Variants in GLIS3 observed in about 807,000 individuals in gnomAD.
GLIS3 encodes the protein GLIS family zinc finger 3.
GLIS3 carries 53 observed loss-of-function variants against 78.6 expected under a neutral mutation model. The observed-to-expected ratio is 0.67, with a 90% CI of 0.54 to 0.85. The LOEUF (loss-of-function observed/expected upper bound fraction) is 0.85. GLIS3 is among the 40% of genes least tolerant of loss of function. The pLI is 0.00. For missense variants in GLIS3, 1,703 were observed against 1,231.1 expected (o/e 1.38, Z -5.74); for synonymous variants, 684 against 509.9 (o/e 1.34, Z -4.60).
chr9:4,292,523 C>T (rs1816093808), intron 1 of GLIS3, among the ~76,000 whole-genome samples: 1 of 152,036 alleles, frequency 6.6e-6, no homozygotes, highest in Non-Finnish European at 1.5e-5. Context: ...AAATAAATAA[C>T]AAAATATAGC....
intron 4 of GLIS3, among the ~76,000 whole-genome samples, chr9:4,012,570 G>T (rs1822104866): frequency 6.6e-6 from 1 of 152,064 alleles, no homozygotes; most frequent in Non-Finnish European, 1.5e-5. Context: ...TGAGGACACT[G>T]TGATTCATGT....
chr9:4,416,878 G>A, the GLIS3 span, among the ~76,000 whole-genome samples: 1 of 145,338 alleles, frequency 6.9e-6, no homozygotes, highest in Non-Finnish European at 1.5e-5. Flanking sequence ...GAGTGCAGTG[G>A]TGTGATCTTG....
intron 4 of GLIS3, among the ~76,000 whole-genome samples, chr9:4,054,942 G>T (rs1374913034): frequency 3.9e-5 from 6 of 152,168 alleles, no homozygotes; most frequent in Non-Finnish European, 7.3e-5. Context: ...TCTTCCCACA[G>T]CAGCTACAAA....
chr9:4,172,217 C>G (rs1194230658), intron 2 of GLIS3, among the ~76,000 whole-genome samples: 1 of 152,180 alleles, frequency 6.6e-6, no homozygotes, highest in East Asian at 1.9e-4. Context: ...GTATTTGCAT[C>G]TGTCTTTCTT....
At chr9:4,172,831 C>G (rs994616872) in intron 2 of GLIS3, among the ~76,000 whole-genome samples, 59 of 152,106 alleles carry the variant, frequency 3.9e-4, no homozygotes, top group African/African-American at 1.4e-3. Context: ...TAATCAGGGG[C>G]CATACTCACA....
intron 4 of GLIS3, among the ~76,000 whole-genome samples, chr9:3,957,580 C>T (rs1203722499): frequency 4.6e-5 from 7 of 152,160 alleles, no homozygotes; most frequent in Non-Finnish European, 1.0e-4. Flanking sequence ...GATCCTCAGC[C>T]CAGAGGCAAC....
chr9:4,301,538 C>T (rs1817073374), upstream of GLIS3, among the ~76,000 whole-genome samples: 1 of 152,308 alleles, frequency 6.6e-6, no homozygotes, highest in African/African-American at 2.4e-5. Context: ...AGGAACAGAG[C>T]AAGATGGCAA....
At chr9:4,042,875 C>A (rs1277009218) in intron 4 of GLIS3, among the ~76,000 whole-genome samples, 1 of 149,666 alleles carries the variant, frequency 6.7e-6, no homozygotes, top group African/African-American at 2.5e-5. Context: ...TGAGTAAAAA[C>A]TTGAAAGTAC....
chr9:4,375,091 C>G, the GLIS3 span, among the ~76,000 whole-genome samples: 1 of 152,170 alleles, frequency 6.6e-6, no homozygotes, highest in South Asian at 2.1e-4. Flanking sequence ...AAATGCAAAT[C>G]CTATCTTATC....
intron 2 of GLIS3, among the ~76,000 whole-genome samples, chr9:4,134,202 T>G (rs1434073100): frequency 3.3e-5 from 5 of 152,152 alleles, no homozygotes; most frequent in Admixed American, 2.6e-4. Flanking sequence ...ACAATTGAAG[T>G]AGAGTTGAAA....
the GLIS3 span, among the ~76,000 whole-genome samples, chr9:4,463,310 T>A: frequency 2.0e-5 from 3 of 152,212 alleles, no homozygotes; most frequent in African/African-American, 4.8e-5. Context: ...ATTAAGCTGA[T>A]AGAGTAAGAA....
chr9:4,020,445 C>A (rs145908741), intron 4 of GLIS3, among the ~76,000 whole-genome samples: 2 of 152,106 alleles, frequency 1.3e-5, no homozygotes, highest in African/African-American at 2.4e-5. Context: ...TGAGTGCTTG[C>A]GTTTACATCG....
chr9:4,027,680 C>T (rs1374039056), intron 4 of GLIS3, among the ~76,000 whole-genome samples: 2 of 152,212 alleles, frequency 1.3e-5, no homozygotes, highest in Admixed American at 6.5e-5. Context: ...CTGATAAGCT[C>T]ATACTGAAAT....
intron 2 of GLIS3, among the ~76,000 whole-genome samples, chr9:4,264,788 T>C (rs1262544169): frequency 1.3e-5 from 2 of 152,200 alleles, no homozygotes; most frequent in East Asian, 3.8e-4. Flanking sequence ...CACTGATTGC[T>C]ACTTTCATTA....
At chr9:3,847,209 A>G (rs986362782) in intron 9 of GLIS3, among the ~76,000 whole-genome samples, 1 of 113,232 alleles carries the variant, frequency 8.8e-6, no homozygotes, top group Non-Finnish European at 2.0e-5. Context: ...AAATAAATAC[A>G]TAAATAAAAA....
chr9:3,962,429 C>G (rs1024860375), intron 4 of GLIS3, among the ~76,000 whole-genome samples: 8 of 152,140 alleles, frequency 5.3e-5, no homozygotes, highest in Non-Finnish European at 1.2e-4. Context: ...TCATGCCTCA[C>G]TAGTTTCTTC....
chr9:4,199,653 T>C (rs908378188), intron 2 of GLIS3, among the ~76,000 whole-genome samples: 3 of 151,838 alleles, frequency 2.0e-5, no homozygotes, highest in African/African-American at 7.3e-5. Context: ...CTCATACTCA[T>C]AAAACAAGTA....
intron 2 of GLIS3, among the ~76,000 whole-genome samples, chr9:4,241,141 G>A (rs1392859489): frequency 6.6e-6 from 1 of 152,116 alleles, no homozygotes; most frequent in Non-Finnish European, 1.5e-5. Flanking sequence ...GCTTCTTTGT[G>A]CACACTCTGA....
the GLIS3 span, among the ~76,000 whole-genome samples, chr9:4,399,537 TC>T: frequency 6.6e-6 from 1 of 152,248 alleles, no homozygotes; most frequent in Non-Finnish European, 1.5e-5. Flanking sequence ...GTCTGCCATT[TC>T]CCCTGTACCA....
Sources: allele counts gnomAD v4.1 joint callset (sites outside exome capture counted in the v4.1 genomes callset), GRCh38; gene constraint gnomAD v4.1.1; transcripts MANE v1.5; gene names NCBI Gene and HGNC (gene_info 2026-07-23, HGNC 2026-07-21).